Variants in SYTL2 observed in about 807,000 individuals in gnomAD.
SYTL2 encodes synaptotagmin-like protein 2.
A neutral mutation model predicts 198.7 loss-of-function variants in SYTL2; 165 were observed. The observed-to-expected ratio is 0.83, with a 90% CI of 0.73 to 0.94. The LOEUF is 0.94. Among genes scored for constraint, SYTL2 ranks in the 40% least tolerant of loss-of-function variants. The pLI is 0.00. For missense variants in SYTL2, 2,835 were observed against 2,582.8 expected (o/e 1.10, Z -2.12); for synonymous variants, 966 against 917.7 (o/e 1.05, Z -0.95).
At position 85,789,340 on chromosome 11, in the gene SYTL2, GTATATATATATATATATATA is replaced by G. The variant is rs56956411; in HGVS notation, c.-390+21594_-390+21613del. Among the ~76,000 whole-genome samples the G allele has an allele frequency of 1.3e-4, 8 of 62,514 alleles. No homozygotes were observed. The East Asian group carries it at 3.5e-3, about 28-fold the overall frequency. 41.0% of individuals were successfully genotyped at this position (62,514 alleles called of 152,430 possible). A position where few individuals can be genotyped will look rare whatever the true frequency, so the allele number is the denominator to read the frequency against. On this transcript the variant is annotated intron_variant, in intron 1 of 19. Transcript: ENST00000359152. Reference sequence around the variant, plus strand: ...TGTGTGTGTATGTGTGTGTGTGTGTGTATATATATATATATATATATATATATATATATATATGTATATAT... The same window carrying G: ...TGTGTGTGTATGTGTGTGTGTGTGTGTATATATATATATATATGTATATAT...
chr11:85,760,577 G>C (rs910737785), intron 1 of SYTL2, among the ~76,000 whole-genome samples: 1 of 152,038 alleles, frequency 6.6e-6, no homozygotes, highest in Non-Finnish European at 1.5e-5. Context: ...CCACATTCTG[G>C]GACCCAGGTT....
intron 12 of SYTL2, among the ~76,000 whole-genome samples, chr11:85,713,650 C>T (rs545402365): frequency 1.4e-4 from 21 of 152,154 alleles, no homozygotes; most frequent in Admixed American, 2.6e-4. Context: ...AACCTCTCTG[C>T]GGCTCTTTCT....
At chr11:85,818,135 T>C in the SYTL2 span, among the ~76,000 whole-genome samples, 1 of 152,164 alleles carries the variant, frequency 6.6e-6, no homozygotes, top group East Asian at 1.9e-4. Context: ...ACTCGTGACC[T>C]CAAGTGATCC....
At position 85,694,954 on chromosome 11, in the gene SYTL2, T is replaced by C. The variant is rs2083212983; in HGVS notation, c.*241A>G. 3.0e-6 allele frequency: 1 copy of C among 333,804 alleles called. No homozygotes were observed. The highest frequency in any genetic ancestry group is 4.9e-5 in the East Asian group (1 of 20,498). 20.7% of individuals were successfully genotyped at this position (333,804 alleles called of 1,614,324 possible). A position where few individuals can be genotyped will look rare whatever the true frequency, so the allele number is the denominator to read the frequency against. ...TTTGAAGCAGCAGCAGAAATTCAAT[T>C]TTCCTAGCTTGTTCAAATATCTTAT... On this transcript the variant is annotated 3_prime_UTR_variant, in exon 20 of 20. Transcript: ENST00000359152.
intron 12 of SYTL2, among the ~76,000 whole-genome samples, chr11:85,713,797 G>A (rs80188936): frequency 0.025 from 3,790 of 152,234 alleles, 83 homozygotes; most frequent in Middle Eastern, 0.044. Flanking sequence ...TCTTAAGACC[G>A]TACAGTATAT....
rs1332589405 is a variant in SYTL2, at chr11:85,726,758, T to C, written c.2600A>G (p.Gln867Arg). ...VVLDEDDQASQLSNSYSSNKS... is the reference protein window; with the variant it reads ...VVLDEDDQASRLSNSYSSNKS... Reference sequence around the variant, plus strand: ...ATTTGAGGAATAAGAATTGGAGAGCTGGGATGCTTGATCATCCTCATCTAA... The same window carrying C: ...ATTTGAGGAATAAGAATTGGAGAGCCGGGATGCTTGATCATCCTCATCTAA... Residue 867 changes from glutamine to arginine, a missense_variant, in exon 8 of 20, where the codon CAG (glutamine) becomes CGG (arginine). By Grantham distance (43) the Gln-to-Arg change is conservative. This residue lies in a region of SYTL2 where 2,645 missense variants were observed against 2,381.7 expected (regional missense o/e 1.11). Coordinates refer to ENST00000359152, the MANE Select transcript of SYTL2 (RefSeq NM_206927.4). 1 of 1,536,174 alleles carries C rather than the reference T, an allele frequency of 6.5e-7. No individual in the cohort carries two copies. The highest frequency in any genetic ancestry group is 1.2e-5 in the South Asian group (1 of 84,064).
chr11:85,717,859 T>A, intron 10 of SYTL2: 1 of 378,522 alleles, frequency 2.6e-6, no homozygotes. Context: ...AGTGACTGAC[T>A]AACTATAGGA....
chr11:85,833,098 A>AGAAAGAGG, the SYTL2 span, among the ~76,000 whole-genome samples: 1 of 32,530 alleles, frequency 3.1e-5, no homozygotes, highest in South Asian at 1.1e-3. Context: ...AAAGAAAGAA[A>AGAAAGAGG]GAAGGAAGGA....
the SYTL2 span, among the ~76,000 whole-genome samples, chr11:85,838,805 T>C: frequency 6.6e-6 from 1 of 152,318 alleles, no homozygotes; most frequent in East Asian, 1.9e-4. Flanking sequence ...TCAGCAAAGA[T>C]ATCTCCACAT....
chr11:85,738,409 A>C (rs2090524220), intron 4 of SYTL2, among the ~76,000 whole-genome samples: 1 of 152,148 alleles, frequency 6.6e-6, no homozygotes, highest in Non-Finnish European at 1.5e-5. Context: ...ATACAGCCTG[A>C]TTACATAGAG....
intron 1 of SYTL2, among the ~76,000 whole-genome samples, chr11:85,795,150 T>C (rs2092784489): frequency 6.6e-6 from 1 of 152,206 alleles, no homozygotes; most frequent in Non-Finnish European, 1.5e-5. Context: ...GTGAACCTTG[T>C]ATTAGCTGTA....
chr11:85,703,900 A>G (rs1236907209), intron 16 of SYTL2, among the ~76,000 whole-genome samples: 1 of 152,168 alleles, frequency 6.6e-6, no homozygotes, highest in Non-Finnish European at 1.5e-5. Flanking sequence ...AAGGGTGCAT[A>G]TTATAATCTC....
At position 85,709,424 on chromosome 11, in the gene SYTL2, A is replaced by G. The variant is rs763880513; in HGVS notation, c.5822T>C (p.Ile1941Thr). 2.5e-6 allele frequency: 4 copies of G among 1,613,748 alleles called. No homozygotes were observed. Among genetic ancestry groups the G allele is most frequent in the Non-Finnish European group, 3.4e-6 (4 of 1,179,664 alleles). ...LEVKGNIQFA[I>T]EYVESLKELH... ...CTCCTTCAGTGACTCCACATATTCA[A>G]TTGCAAACTGAATATTTCCTTTAAC... is the stretch of plus-strand genomic sequence containing the variant. The change falls in exon 14 of 20, where the codon ATT (isoleucine) becomes ACT (threonine). Residue 1941 changes from isoleucine (I) to threonine (T), a missense_variant. By Grantham distance (89) the Ile-to-Thr change is moderately conservative. This residue lies in a region of SYTL2 where 2,645 missense variants were observed against 2,381.7 expected (regional missense o/e 1.11). Transcript: ENST00000359152.
the SYTL2 span, among the ~76,000 whole-genome samples, chr11:85,851,142 C>A: frequency 1 from 152,196 of 152,196 alleles, 76,098 homozygotes; most frequent in Non-Finnish European, 1. Context: ...TAACCTGCAC[C>A]ATGTGCACAT....
At chr11:85,849,493 T>G in the SYTL2 span, among the ~76,000 whole-genome samples, 1 of 152,248 alleles carries the variant, frequency 6.6e-6, no homozygotes, top group Non-Finnish European at 1.5e-5. Context: ...GGATCAAGTT[T>G]CAGCTTTCTA....
rs769057664 is a variant in SYTL2 at position 85,734,297 on chromosome 11, CTG to C, written c.1030_1031del (p.Gln344GlufsTer14). The stretch of plus-strand genomic sequence containing the variant: ...CCCGACCATGGATTAGCCCAGGACT[CTG>C]TGGAAGCTCATCCTTCACTGCAGAG... ...RFSAVKDELP[Q>X]SPGLIHGREV... On this transcript the variant is annotated frameshift_variant, in exon 7 of 20. Transcript: ENST00000359152. LOFTEE classifies it high-confidence loss of function. 2 of 1,614,180 alleles carry C rather than the reference CTG, an allele frequency of 1.2e-6. No individual in the cohort carries two copies. Among genetic ancestry groups the C allele is most frequent in the East Asian group, 4.5e-5 (2 of 44,888 alleles).
At chr11:85,828,345 T>C in the SYTL2 span, among the ~76,000 whole-genome samples, 1 of 152,224 alleles carries the variant, frequency 6.6e-6, no homozygotes, top group Non-Finnish European at 1.5e-5. Context: ...AGGCAGTAAA[T>C]GGTTAAGAAA....
At chr11:85,698,958 C>A (rs537568461) in intron 17 of SYTL2, among the ~76,000 whole-genome samples, 2 of 152,166 alleles carry the variant, frequency 1.3e-5, no homozygotes, top group Admixed American at 1.3e-4. Context: ...TGGGTTCATA[C>A]GAACAGAGGA....
At chr11:85,767,087 G>GTGTT (rs1348394372) in intron 1 of SYTL2, among the ~76,000 whole-genome samples, 1 of 151,940 alleles carries the variant, frequency 6.6e-6, no homozygotes, top group Non-Finnish European at 1.5e-5. Flanking sequence ...AATTAGCAAA[G>GTGTT]TTAAACACGC....
Sources: allele counts gnomAD v4.1 joint callset (sites outside exome capture counted in the v4.1 genomes callset), GRCh38; gene constraint gnomAD v4.1.1; regional missense constraint gnomAD v4.1.1; transcripts MANE v1.5; gene names NCBI Gene and HGNC (gene_info 2026-07-23, HGNC 2026-07-21).